NXPE2: variants seen among roughly 807,000 people sequenced by gnomAD.
The protein encoded by NXPE2 is NXPE family member 2.
A neutral mutation model predicts 34.4 loss-of-function variants in NXPE2; 34 were observed. The ratio of observed to expected loss-of-function variants is 0.99; its 90% CI spans 0.75 to 1.31. The LOEUF is 1.31. Ranked by LOEUF, NXPE2 falls within the 40% of genes most tolerant of loss-of-function variation. The pLI is 0.00. For synonymous variants in NXPE2, 235 were observed against 231.3 expected, an observed-to-expected ratio of 1.02 and a Z score of -0.15; for missense variants, 649 against 672.5, an observed-to-expected ratio of 0.97 and a Z score of 0.39.
At chr11:114,645,685 C>T in the NXPE2 span, among the ~76,000 whole-genome samples, 1 of 151,422 alleles carries the variant, frequency 6.6e-6, no homozygotes. Context: ...GAAAGAAAAC[C>T]CAAAAGAAAA....
At chr11:114,716,040 A>G in the NXPE2 span, among the ~76,000 whole-genome samples, 10 of 152,318 alleles carry the variant, frequency 6.6e-5, no homozygotes, top group African/African-American at 2.2e-4. Context: ...AATACGACCA[A>G]TTTAGGAACC....
intron 2 of NXPE2, among the ~76,000 whole-genome samples, chr11:114,680,573 T>A (rs1368277152): frequency 1.3e-5 from 2 of 152,092 alleles, no homozygotes; most frequent in Non-Finnish European, 2.9e-5. Flanking sequence ...TGCTTGTACC[T>A]TTTAATTCAT....
the NXPE2 span, among the ~76,000 whole-genome samples, chr11:114,743,129 TCTA>T: frequency 6.6e-6 from 1 of 152,262 alleles, no homozygotes; most frequent in South Asian, 2.1e-4. Flanking sequence ...GGCTTCATTT[TCTA>T]CTATTTAACC....
the NXPE2 span, among the ~76,000 whole-genome samples, chr11:114,604,799 C>G: frequency 6.9e-6 from 1 of 143,978 alleles, no homozygotes; most frequent in African/African-American, 2.6e-5. Context: ...TGTTGCCTCG[C>G]GGGTAACCAC....
At chr11:114,714,789 C>T in the NXPE2 span, among the ~76,000 whole-genome samples, 1 of 152,024 alleles carries the variant, frequency 6.6e-6, no homozygotes, top group South Asian at 2.1e-4. Context: ...TTTGGGAGGC[C>T]GAGGCAGGTG....
At chr11:114,667,232 T>A in the NXPE2 span, among the ~76,000 whole-genome samples, 6 of 152,158 alleles carry the variant, frequency 3.9e-5, no homozygotes, top group Non-Finnish European at 7.4e-5. Flanking sequence ...CTGAACTTTT[T>A]AAATTCATTC....
chr11:114,541,022 G>T, the NXPE2 span, among the ~76,000 whole-genome samples: 4 of 151,820 alleles, frequency 2.6e-5, no homozygotes, highest in Non-Finnish European at 5.9e-5. Context: ...TGACCCCTGA[G>T]GCACACCTGT....
At chr11:114,536,428 A>T in the NXPE2 span, among the ~76,000 whole-genome samples, 1 of 152,242 alleles carries the variant, frequency 6.6e-6, no homozygotes, top group Non-Finnish European at 1.5e-5. Context: ...GAAATAACTA[A>T]GATCAGAGCA....
chr11:114,732,602 G>A, the NXPE2 span, among the ~76,000 whole-genome samples: 5 of 152,146 alleles, frequency 3.3e-5, no homozygotes, highest in Non-Finnish European at 7.4e-5. Context: ...TGTTCACTAT[G>A]CCTATTCAAT....
At chr11:114,708,537 T>C (rs1409998761), downstream of NXPE2, among the ~76,000 whole-genome samples, 1 of 151,554 alleles carries the variant, frequency 6.6e-6, no homozygotes, top group African/African-American at 2.4e-5. Context: ...GTAACATCAG[T>C]ACAAAGTTTG....
At chr11:114,530,665 C>T in the NXPE2 span, 7 of 1,614,064 alleles carry the variant, frequency 4.3e-6, no homozygotes, top group Non-Finnish European at 5.9e-6. Flanking sequence ...AGCTGGTCTC[C>T]CCTGCAGTAT....
chr11:114,665,770 C>T, the NXPE2 span, among the ~76,000 whole-genome samples: 1 of 152,280 alleles, frequency 6.6e-6, no homozygotes, highest in Admixed American at 6.5e-5. Flanking sequence ...AGGGCTAAGA[C>T]TGTGCAGGTT....
At chr11:114,625,536 T>G in the NXPE2 span, among the ~76,000 whole-genome samples, 6 of 152,310 alleles carry the variant, frequency 3.9e-5, no homozygotes, top group East Asian at 1.2e-3. Flanking sequence ...TATTGCCTCA[T>G]GAGTAACCAC....
intron 2 of NXPE2, among the ~76,000 whole-genome samples, chr11:114,696,938 T>A (rs1415256917): frequency 6.6e-6 from 1 of 152,230 alleles, no homozygotes; most frequent in South Asian, 2.1e-4. Flanking sequence ...TGATAAAGTT[T>A]AATTTATAAA....
the NXPE2 span, among the ~76,000 whole-genome samples, chr11:114,717,155 C>G: frequency 1.3e-5 from 2 of 152,296 alleles, no homozygotes; most frequent in East Asian, 3.9e-4. Context: ...GGCTGACCCT[C>G]TTAATTTAAC....
chr11:114,547,406 C>G, the NXPE2 span, among the ~76,000 whole-genome samples: 1 of 152,184 alleles, frequency 6.6e-6, no homozygotes, highest in East Asian at 1.9e-4. Context: ...TCAATGTCAT[C>G]AAAAACAAGG....
chr11:114,708,364 G>A (rs111310676), downstream of NXPE2, among the ~76,000 whole-genome samples: 1,172 of 152,114 alleles, frequency 7.7e-3, 9 homozygotes, highest in Non-Finnish European at 0.011. Context: ...CCTCCAGAGG[G>A]CCTCAAATGA....
chr11:114,482,536 A>AT, the NXPE2 span, among the ~76,000 whole-genome samples: 1 of 152,172 alleles, frequency 6.6e-6, no homozygotes, highest in African/African-American at 2.4e-5. Flanking sequence ...TATTTTCAAC[A>AT]TTTACATATC....
chr11:114,672,918 T>C, the NXPE2 span, among the ~76,000 whole-genome samples: 1 of 151,224 alleles, frequency 6.6e-6, no homozygotes, highest in Non-Finnish European at 1.5e-5. Flanking sequence ...AGAATAACAG[T>C]AAGAAAAAAC....
Sources: gnomAD v4.1 joint callset for allele counts (sites outside exome capture counted in the v4.1 genomes callset) on GRCh38, gnomAD v4.1.1 for gene constraint, MANE v1.5 for transcripts, NCBI Gene and HGNC (gene_info 2026-07-23, HGNC 2026-07-21) for gene names.